The following UNC13C variants were observed in gnomAD, a reference collection of about 807,000 sequenced individuals.
The protein encoded by UNC13C is protein unc-13 homolog C.
In UNC13C, 174 loss-of-function variants were observed where a neutral mutation model predicts 245.4. The ratio of observed to expected loss-of-function variants is 0.71; its 90% CI spans 0.63 to 0.80. The LOEUF is 0.80. UNC13C is among the 30% of genes least tolerant of loss of function. The pLI is 0.00. For synonymous variants in UNC13C, 992 were observed against 895.1 expected, an observed-to-expected ratio of 1.11 and a Z score of -1.93; for missense variants, 2,829 against 2,602.9, an observed-to-expected ratio of 1.09 and a Z score of -1.89.
chr15:54,071,956 G>T (rs1412372740), intron 2 of UNC13C, among the ~76,000 whole-genome samples: 2 of 152,238 alleles, frequency 1.3e-5, no homozygotes, highest in African/African-American at 4.8e-5. Flanking sequence ...CTGCTTCCTT[G>T]TCTGGCCTTC....
At chr15:54,079,135 A>T in intron 2 of UNC13C, among the ~76,000 whole-genome samples, 1 of 151,770 alleles carries the variant, frequency 6.6e-6, no homozygotes, top group Non-Finnish European at 1.5e-5. Context: ...GTGTGACTTT[A>T]TTTCTGTGTT....
At chr15:54,434,261 A>T (rs1221586843) in intron 19 of UNC13C, among the ~76,000 whole-genome samples, 1 of 152,016 alleles carries the variant, frequency 6.6e-6, no homozygotes, top group Non-Finnish European at 1.5e-5. Context: ...CAACAACAAA[A>T]AAAAGCCCAT....
At chr15:54,113,192 A>T (rs2029947702) in intron 2 of UNC13C, among the ~76,000 whole-genome samples, 1 of 152,132 alleles carries the variant, frequency 6.6e-6, no homozygotes, top group Non-Finnish European at 1.5e-5. Context: ...TCTGTCAATA[A>T]ATGTTGGTTA....
intron 4 of UNC13C, among the ~76,000 whole-genome samples, chr15:54,217,053 A>G (rs1193113171): frequency 2.6e-5 from 4 of 152,058 alleles, no homozygotes; most frequent in Admixed American, 2.6e-4. Flanking sequence ...TAAGGTATCT[A>G]GGAGTTAATG....
At chr15:53,904,845 A>G in the UNC13C span, among the ~76,000 whole-genome samples, 1 of 152,126 alleles carries the variant, frequency 6.6e-6, no homozygotes, top group Non-Finnish European at 1.5e-5. Context: ...ATGATGCCTC[A>G]TTTTATTCAT....
At chr15:54,487,788 AAGACAGAGAGAG>A (rs751960612) in intron 19 of UNC13C, among the ~76,000 whole-genome samples, 3 of 77,402 alleles carry the variant, frequency 3.9e-5, no homozygotes, top group East Asian at 6.5e-4. Flanking sequence ...AAAAAAAAAA[AAGACAGAGAGAG>A]AGAAAAGAAA....
intron 23 of UNC13C, among the ~76,000 whole-genome samples, chr15:54,507,437 A>T (rs1894524032): frequency 6.6e-6 from 1 of 152,100 alleles, no homozygotes; most frequent in African/African-American, 2.4e-5. Context: ...AAGGAACAAG[A>T]CTAGAATAAA....
chr15:54,461,808 G>A (rs1454598831), intron 19 of UNC13C, among the ~76,000 whole-genome samples: 1 of 152,194 alleles, frequency 6.6e-6, no homozygotes, highest in Non-Finnish European at 1.5e-5. Flanking sequence ...ATGTGGTAGT[G>A]ATAGATGTGG....
intron 23 of UNC13C, 108 bp from the exon 24 acceptor site, chr15:54,511,645 T>C (rs1894744909): frequency 5.5e-6 from 4 of 723,302 alleles, no homozygotes; most frequent in African/African-American, 3.6e-5. Flanking sequence ...ATACATCTAA[T>C]ATAATAGGAA....
chr15:54,183,821 A>G (rs1350371252), intron 4 of UNC13C, among the ~76,000 whole-genome samples: 1 of 151,972 alleles, frequency 6.6e-6, no homozygotes, highest in Non-Finnish European at 1.5e-5. Flanking sequence ...GAATAAGGCT[A>G]AGTCTCAAAC....
At chr15:54,612,352 T>G (rs941832049) in intron 30 of UNC13C, among the ~76,000 whole-genome samples, 2 of 152,052 alleles carry the variant, frequency 1.3e-5, no homozygotes, top group Non-Finnish European at 2.9e-5. Context: ...TTTTTGTGAA[T>G]TGTCTATTTC....
At chr15:53,908,635 G>C in the UNC13C span, among the ~76,000 whole-genome samples, 1 of 143,086 alleles carries the variant, frequency 7.0e-6, no homozygotes, top group African/African-American at 2.5e-5. Context: ...TGCACCTGTA[G>C]TCCCAGCTTG....
At chr15:54,449,582 G>T (rs572170169) in intron 19 of UNC13C, among the ~76,000 whole-genome samples, 2 of 152,276 alleles carry the variant, frequency 1.3e-5, no homozygotes, top group South Asian at 4.1e-4. Flanking sequence ...ACTGAAGCTT[G>T]TGCATTCATC....
intron 28 of UNC13C, among the ~76,000 whole-genome samples, chr15:54,555,169 T>G (rs182290839): frequency 7.9e-5 from 12 of 152,156 alleles, no homozygotes; most frequent in Admixed American, 7.9e-4. Context: ...CTCTCTTTTT[T>G]CCCTAACATT....
At chr15:54,563,594 C>A (rs978279298) in intron 29 of UNC13C, among the ~76,000 whole-genome samples, 2 of 151,952 alleles carry the variant, frequency 1.3e-5, no homozygotes, top group Admixed American at 6.6e-5. Context: ...GAAAATAATG[C>A]ACTTTTCACA....
intron 4 of UNC13C, among the ~76,000 whole-genome samples, chr15:54,197,913 T>C (rs2034407418): frequency 1.3e-5 from 2 of 152,082 alleles, no homozygotes; most frequent in Non-Finnish European, 2.9e-5. Flanking sequence ...AGGAGGCTCA[T>C]GGTCTGAGGC....
chr15:53,901,977 A>G, the UNC13C span, among the ~76,000 whole-genome samples: 2 of 152,014 alleles, frequency 1.3e-5, no homozygotes, highest in South Asian at 2.1e-4. Context: ...ACCCATTTCC[A>G]TTTTCCTCAA....
chr15:54,212,475 A>G (rs1451442658), intron 4 of UNC13C, among the ~76,000 whole-genome samples: 1 of 152,108 alleles, frequency 6.6e-6, no homozygotes, highest in Non-Finnish European at 1.5e-5. Flanking sequence ...TGACTGTTAA[A>G]TTATGTACAC....
At chr15:54,380,507 A>G (rs1023765320) in intron 17 of UNC13C, among the ~76,000 whole-genome samples, 3 of 152,250 alleles carry the variant, frequency 2.0e-5, no homozygotes, top group Admixed American at 2.0e-4. Context: ...GCTGAATCAC[A>G]TGGTAGTTCT....
Sources: gnomAD v4.1 joint callset for allele counts (sites outside exome capture counted in the v4.1 genomes callset) on GRCh38, gnomAD v4.1.1 for gene constraint, MANE v1.5 for transcripts, NCBI Gene and HGNC (gene_info 2026-07-23, HGNC 2026-07-21) for gene names.